TAFA1: variants seen among roughly 807,000 people sequenced by gnomAD.
TAFA1 encodes chemokine-like protein TAFA-1.
A neutral mutation model predicts 18.5 loss-of-function variants in TAFA1; 4 were observed. That is an observed-to-expected ratio of 0.22 (90% CI 0.11 to 0.49). TAFA1 has a LOEUF of 0.49. TAFA1 is among the 20% of genes least tolerant of loss of function. The pLI is 0.98. For missense variants in TAFA1, 147 were observed against 169.0 expected (o/e 0.87, Z 0.72); for synonymous variants, 56 against 55.2 (o/e 1.01, Z -0.06).
At chr3:68,048,934 T>C (rs1373377281) in intron 2 of TAFA1, among the ~76,000 whole-genome samples, 1 of 152,244 alleles carries the variant, frequency 6.6e-6, no homozygotes, top group East Asian at 1.9e-4. Flanking sequence ...GATGTGCAGA[T>C]ATCTCTTTGA....
intron 3 of TAFA1, among the ~76,000 whole-genome samples, chr3:68,488,871 AC>A (rs2106675960): frequency 6.6e-6 from 1 of 152,244 alleles, no homozygotes; most frequent in South Asian, 2.1e-4. Context: ...AAATGGAATC[AC>A]CTCATAGGGT....
intron 2 of TAFA1, among the ~76,000 whole-genome samples, chr3:68,069,397 T>A (rs1371859108): frequency 1.3e-5 from 2 of 152,168 alleles, no homozygotes; most frequent in African/African-American, 4.8e-5. Context: ...TTTACTATCA[T>A]GAGAACAGCA....
At chr3:68,506,955 T>A (rs766714069) in intron 3 of TAFA1, among the ~76,000 whole-genome samples, 1 of 151,748 alleles carries the variant, frequency 6.6e-6, no homozygotes, top group Non-Finnish European at 1.5e-5. Context: ...TATTATGGCC[T>A]CACGCAAAGC....
At chr3:68,359,873 G>A (rs146401294) in intron 2 of TAFA1, among the ~76,000 whole-genome samples, 33 of 152,044 alleles carry the variant, frequency 2.2e-4, no homozygotes, top group African/African-American at 3.4e-4. Flanking sequence ...GAAGCATTTC[G>A]TAGAATCTAT....
intron 3 of TAFA1, among the ~76,000 whole-genome samples, chr3:68,492,666 T>C (rs1233286825): frequency 6.6e-6 from 1 of 152,194 alleles, no homozygotes; most frequent in Non-Finnish European, 1.5e-5. Context: ...TTGCAGTGTT[T>C]CTATATTTAT....
intron 2 of TAFA1, among the ~76,000 whole-genome samples, chr3:68,308,447 C>T (rs1235623045): frequency 3.9e-5 from 6 of 152,096 alleles, no homozygotes; most frequent in African/African-American, 1.4e-4. Context: ...AGGTCTATTA[C>T]CCAGAATAGA....
chr3:68,009,423 T>C (rs1364409856), intron 2 of TAFA1, among the ~76,000 whole-genome samples: 1 of 152,232 alleles, frequency 6.6e-6, no homozygotes, highest in Non-Finnish European at 1.5e-5. Flanking sequence ...GTTTTCTCCA[T>C]TTTCTTCCTT....
chr3:68,140,041 G>T (rs1230047336), intron 2 of TAFA1, among the ~76,000 whole-genome samples: 2 of 152,168 alleles, frequency 1.3e-5, no homozygotes, highest in Non-Finnish European at 2.9e-5. Flanking sequence ...ACCCAAGTTG[G>T]CTTTCCTGTG....
intron 2 of TAFA1, among the ~76,000 whole-genome samples, chr3:68,223,533 A>ATTTTT (rs3033749): frequency 6.7e-6 from 1 of 149,866 alleles, no homozygotes; most frequent in Non-Finnish European, 1.5e-5. Context: ...TGTTAGGACC[A>ATTTTT]TTTTTTTTTT....
At chr3:68,175,253 CAG>C (rs2066108929) in intron 2 of TAFA1, among the ~76,000 whole-genome samples, 1 of 152,204 alleles carries the variant, frequency 6.6e-6, no homozygotes, top group African/African-American at 2.4e-5. Context: ...AGCCCCAACA[CAG>C]AGTCCCTACT....
At chr3:68,305,829 A>G (rs66518460) in intron 2 of TAFA1, among the ~76,000 whole-genome samples, 19,436 of 152,098 alleles carry the variant, frequency 0.13, 1,865 homozygotes, top group East Asian at 0.45. Flanking sequence ...ACTTCTAGCT[A>G]TGTGAACTGT....
chr3:68,389,471 G>A (rs1266246574), intron 2 of TAFA1, among the ~76,000 whole-genome samples: 1 of 152,102 alleles, frequency 6.6e-6, no homozygotes, highest in Non-Finnish European at 1.5e-5. Context: ...GAGATTTTAA[G>A]AATTGATATT....
intron 3 of TAFA1, among the ~76,000 whole-genome samples, chr3:68,487,703 G>A (rs2072370978): frequency 6.9e-6 from 1 of 143,910 alleles, no homozygotes; most frequent in Non-Finnish European, 1.5e-5. Context: ...AGTGAGCCGA[G>A]ATCGCGCCAC....
chr3:68,377,411 T>C (rs2069839967), intron 2 of TAFA1, among the ~76,000 whole-genome samples: 1 of 152,198 alleles, frequency 6.6e-6, no homozygotes, highest in African/African-American at 2.4e-5. Context: ...ACTCTTACTA[T>C]GCTTTAGCAA....
intron 2 of TAFA1, among the ~76,000 whole-genome samples, chr3:68,259,780 T>A (rs1429019964): frequency 6.6e-6 from 1 of 152,064 alleles, no homozygotes; most frequent in Admixed American, 6.6e-5. Context: ...TTTTTGTACA[T>A]TGATTTTGTA....
At chr3:68,384,329 A>C (rs1331060421) in intron 2 of TAFA1, among the ~76,000 whole-genome samples, 1 of 151,926 alleles carries the variant, frequency 6.6e-6, no homozygotes, top group Non-Finnish European at 1.5e-5. Flanking sequence ...ATCTATCTTA[A>C]CACTGCTTTA....
intron 2 of TAFA1, among the ~76,000 whole-genome samples, chr3:68,087,140 T>A (rs2064979513): frequency 6.6e-6 from 1 of 152,164 alleles, no homozygotes. Context: ...TGTACAGGAA[T>A]TGCATTTAGA....
intron 2 of TAFA1, among the ~76,000 whole-genome samples, chr3:68,139,574 A>G (rs2065645894): frequency 6.6e-6 from 1 of 152,158 alleles, no homozygotes; most frequent in Non-Finnish European, 1.5e-5. Flanking sequence ...TGCTAATTAT[A>G]ATTGGGACAC....
chr3:68,016,787 T>C (rs536343670), intron 2 of TAFA1, among the ~76,000 whole-genome samples: 3 of 152,348 alleles, frequency 2.0e-5, no homozygotes, highest in Non-Finnish European at 2.9e-5. Flanking sequence ...CCTGCAAACC[T>C]CTGCAACATA....
Sources: allele counts gnomAD v4.1 joint callset (sites outside exome capture counted in the v4.1 genomes callset), GRCh38; gene constraint gnomAD v4.1.1; transcripts MANE v1.5; gene names NCBI Gene and HGNC (gene_info 2026-07-23, HGNC 2026-07-21).